CCDC3: variants seen among roughly 807,000 people sequenced by gnomAD.
CCDC3 encodes the protein coiled-coil domain-containing protein 3.
CCDC3 carries 24 observed loss-of-function variants against 21.4 expected under a neutral mutation model. The ratio of observed to expected loss-of-function variants is 1.12; its 90% confidence interval spans 0.81 to 1.58. CCDC3 has a LOEUF of 1.58. Ranked by LOEUF, CCDC3 falls within the 40% of genes most tolerant of loss-of-function variation. CCDC3 has a pLI of 0.00. For missense variants in CCDC3, 425 were observed against 360.9 expected (o/e 1.18, Z -1.44); for synonymous variants, 186 against 166.0 (o/e 1.12, Z -0.93).
intron 4 of CCDC3, chr10:13,058,616 T>C (rs1455583258): frequency 3.3e-6 from 2 of 613,832 alleles, no homozygotes; most frequent in Non-Finnish European, 5.9e-6. Flanking sequence ...CGTCGTCTTC[T>C]AAACGTCACT....
chr10:13,079,886 T>C (rs1378226368), intron 3 of CCDC3, among the ~76,000 whole-genome samples: 5 of 152,056 alleles, frequency 3.3e-5, no homozygotes, highest in Non-Finnish European at 7.4e-5. Flanking sequence ...AAAAATCTTT[T>C]GGCAAAGTTC....
chr10:13,000,916 G>A (rs1835839292), intron 1 of CCDC3, among the ~76,000 whole-genome samples: 1 of 152,204 alleles, frequency 6.6e-6, no homozygotes, highest in African/African-American at 2.4e-5. Flanking sequence ...AGGGACTGTT[G>A]GAGGGCGCTT....
At chr10:13,043,422 G>A (rs1387372751) in intron 5 of CCDC3, among the ~76,000 whole-genome samples, 1 of 152,022 alleles carries the variant, frequency 6.6e-6, no homozygotes, top group African/African-American at 2.4e-5. Flanking sequence ...GTGAAAACCT[G>A]CTTCTACTAA....
chr10:12,986,700 G>T (rs184983479), intron 2 of CCDC3, among the ~76,000 whole-genome samples: 2 of 151,586 alleles, frequency 1.3e-5, no homozygotes, highest in South Asian at 4.2e-4. Context: ...CGTGACGCGG[G>T]AGGCGGAGCT....
intron 5 of CCDC3, among the ~76,000 whole-genome samples, chr10:13,023,020 G>T (rs1324818627): frequency 1.3e-5 from 2 of 149,838 alleles, no homozygotes; most frequent in East Asian, 1.9e-4. Flanking sequence ...GAGTCAAATA[G>T]AAAAAGATTA....
intron 2 of CCDC3, among the ~76,000 whole-genome samples, chr10:12,946,559 C>T (rs1022601578): frequency 6.6e-6 from 1 of 152,158 alleles, no homozygotes; most frequent in Non-Finnish European, 1.5e-5. Flanking sequence ...GCTTCCTGTT[C>T]GGCCTAGAGC....
intron 2 of CCDC3, among the ~76,000 whole-genome samples, chr10:12,923,655 C>T (rs778859237): frequency 7.2e-5 from 11 of 152,100 alleles, no homozygotes; most frequent in Non-Finnish European, 1.5e-4. Context: ...ATATGCGTCC[C>T]GGTCATTTCT....
intron 2 of CCDC3, among the ~76,000 whole-genome samples, chr10:12,926,898 C>G (rs756093687): frequency 3.3e-5 from 5 of 151,890 alleles, no homozygotes; most frequent in Non-Finnish European, 7.4e-5. Flanking sequence ...GTGTATACCC[C>G]TAAAAACAAA....
intron 2 of CCDC3, among the ~76,000 whole-genome samples, chr10:12,969,432 C>CAATTATGGTA (rs61297346): frequency 0.087 from 13,173 of 151,688 alleles, 872 homozygotes; most frequent in Admixed American, 0.21. Flanking sequence ...AAATTATGTT[C>CAATTATGGTA]AATTATGGTA....
chr10:13,071,389 C>T (rs1836880763), intron 4 of CCDC3, among the ~76,000 whole-genome samples: 1 of 152,168 alleles, frequency 6.6e-6, no homozygotes, highest in African/African-American at 2.4e-5. Context: ...AATCCAGAGA[C>T]AGATGATAAT....
At chr10:13,057,827 G>A in intron 4 of CCDC3, 1 of 324,400 alleles carries the variant, frequency 3.1e-6, no homozygotes, top group Non-Finnish European at 5.8e-6. Flanking sequence ...GTTGCAGTGA[G>A]CTGAGATCCC....
intron 5 of CCDC3, among the ~76,000 whole-genome samples, chr10:13,026,753 A>T (rs1836222090): frequency 6.6e-6 from 1 of 152,220 alleles, no homozygotes; most frequent in Non-Finnish European, 1.5e-5. Flanking sequence ...AGAGATTCTC[A>T]GTTTAATCTC....
At chr10:12,999,411 A>G (rs556051445) in intron 1 of CCDC3, among the ~76,000 whole-genome samples, 2 of 152,234 alleles carry the variant, frequency 1.3e-5, no homozygotes, top group Non-Finnish European at 2.9e-5. Context: ...ATTCTTTAAA[A>G]TGTCACAAAA....
intron 5 of CCDC3, among the ~76,000 whole-genome samples, chr10:13,010,479 G>T (rs1020889770): frequency 3.9e-5 from 6 of 152,180 alleles, no homozygotes; most frequent in Non-Finnish European, 8.8e-5. Context: ...ACCAAGTGTT[G>T]TCAAGAACAT....
chr10:13,002,374 A>G (rs566961267), upstream of CCDC3, among the ~76,000 whole-genome samples: 14 of 150,786 alleles, frequency 9.3e-5, no homozygotes, highest in Non-Finnish European at 1.6e-4. Context: ...TAAAGGCAAC[A>G]GGTTTTTTGT....
chr10:13,023,609 T>C (rs1341192358), intron 5 of CCDC3, among the ~76,000 whole-genome samples: 2 of 152,164 alleles, frequency 1.3e-5, no homozygotes, highest in African/African-American at 2.4e-5. Flanking sequence ...GAGTCAATGA[T>C]GGAGGGAACT....
At chr10:12,960,198 TTC>T (rs1438175007) in intron 2 of CCDC3, among the ~76,000 whole-genome samples, 1 of 82,940 alleles carries the variant, frequency 1.2e-5, no homozygotes, top group Non-Finnish European at 2.7e-5. Context: ...CACAAAGGTT[TTC>T]TCAGCATAAC....
chr10:12,911,137 G>A (rs11813956), intron 2 of CCDC3, among the ~76,000 whole-genome samples: 38,202 of 152,078 alleles, frequency 0.25, 5,366 homozygotes, highest in Admixed American at 0.36. Context: ...TGGTTCCTGT[G>A]TCATCTCTGC....
intron 5 of CCDC3, among the ~76,000 whole-genome samples, chr10:13,039,809 G>A (rs2131417213): frequency 6.6e-6 from 1 of 151,798 alleles, no homozygotes; most frequent in East Asian, 1.9e-4. Context: ...TCAGTACTTG[G>A]AAATGCGGGA....
Sources: gnomAD v4.1 joint callset for allele counts (sites outside exome capture counted in the v4.1 genomes callset) on GRCh38, gnomAD v4.1.1 for gene constraint, MANE v1.5 for transcripts, NCBI Gene and HGNC (gene_info 2026-07-23, HGNC 2026-07-21) for gene names.